Variants in TRPM8 observed in about 807,000 individuals in gnomAD.
The protein encoded by TRPM8 is transient receptor potential cation channel subfamily M member 8.
TRPM8 carries 110 observed loss-of-function variants against 133.7 expected under a neutral mutation model. The ratio of observed to expected loss-of-function variants is 0.82; its 90% confidence interval spans 0.70 to 0.96. The LOEUF (loss-of-function observed/expected upper bound fraction) is 0.96, where lower values mean the gene tolerates loss of function less well. Ranked by LOEUF, TRPM8 falls within the 40% of genes least tolerant of loss-of-function variation. The pLI, the probability that TRPM8 is intolerant of heterozygous loss-of-function variation, is 0.00. For missense variants in TRPM8, 1,291 were observed against 1,379.5 expected, an observed-to-expected ratio of 0.94 and a Z score of 1.02; for synonymous variants, 535 against 532.3, an observed-to-expected ratio of 1.01 and a Z score of -0.07.
intron 7 of TRPM8, among the ~76,000 whole-genome samples, chr2:233,946,576 C>G (rs1401329458): frequency 1.3e-5 from 2 of 152,188 alleles, no homozygotes; most frequent in East Asian, 3.9e-4. Flanking sequence ...TGAGATGTGT[C>G]CTGCTGTGGA....
At chr2:233,920,345 G>A (rs1691383912) in intron 1 of TRPM8, among the ~76,000 whole-genome samples, 1 of 152,010 alleles carries the variant, frequency 6.6e-6, no homozygotes, top group African/African-American at 2.4e-5. Flanking sequence ...AAATTCATCA[G>A]GCCCATTTGA....
At chr2:234,008,254 G>A in intron 24 of TRPM8, 151 bp downstream of exon 24, 1 of 747,294 alleles carries the variant, frequency 1.3e-6, no homozygotes, top group Non-Finnish European at 2.1e-6. Context: ...GAATGGTATT[G>A]CTTCTCATGC....
At chr2:233,975,848 C>T (rs1274388870) in intron 17 of TRPM8, among the ~76,000 whole-genome samples, 1 of 152,170 alleles carries the variant, frequency 6.6e-6, no homozygotes, top group African/African-American at 2.4e-5. Context: ...CACCACTGCA[C>T]TCCAGCCTGG....
rs974975568 is a variant in TRPM8 at position 233,993,073 on chromosome 2, G to C, written c.2940-3253G>C. Reference sequence around the variant, plus strand: ...CATTTTGGAAGCTGCTGCCATATGGGTCAGCTGTACCTCGGTGTATAAATA... The same window carrying C: ...CATTTTGGAAGCTGCTGCCATATGGCTCAGCTGTACCTCGGTGTATAAATA... On this transcript the variant is annotated intron_variant, in intron 21 of 25. Transcript: ENST00000324695. Among the ~76,000 whole-genome samples, 5 of 152,196 alleles carry C rather than the reference G, an allele frequency of 3.3e-5. No homozygotes were observed. In the East Asian group the frequency reaches 9.6e-4, roughly 29 times the overall value.
chr2:233,964,687 A>G lies in TRPM8; in HGVS notation c.1809A>G (p.Lys603=), dbSNP rs982267570. The G allele has an allele frequency of 6.8e-6, 11 of 1,613,078 alleles. No individual in the cohort carries two copies. Among genetic ancestry groups the G allele is most frequent in the Non-Finnish European group, 9.3e-6 (11 of 1,179,250 alleles). ...GCAAGCTTCTGAAGACTCTGGCCAA[A>G]GTGAAGAACGACATCAATGCTGCTG... ...GASKLLKTLA[K]VKNDINAAGE... The change falls in exon 14 of 26, where the codon AAA becomes AAG. Residue 603 remains lysine, a synonymous_variant. Coordinates refer to ENST00000324695, the MANE Select transcript of TRPM8 (RefSeq NM_024080.5).
chr2:233,980,101 G>A (rs1559539504), intron 17 of TRPM8, 87 bp from the exon 18 acceptor site: 1 of 913,694 alleles, frequency 1.1e-6, no homozygotes, highest in Non-Finnish European at 1.7e-6. Flanking sequence ...AAAGGACCTG[G>A]AAGAAAATGA....
At chr2:233,942,084 T>C (rs1171869829) in intron 5 of TRPM8, among the ~76,000 whole-genome samples, 2 of 142,246 alleles carry the variant, frequency 1.4e-5, no homozygotes, top group African/African-American at 5.8e-5. Context: ...TTTTTTTTTT[T>C]TTTTTTTCTT....
At chr2:233,971,487 T>C (rs951557677) in intron 17 of TRPM8, among the ~76,000 whole-genome samples, 4 of 152,166 alleles carry the variant, frequency 2.6e-5, no homozygotes, top group African/African-American at 9.7e-5. Context: ...TGTCTGACTT[T>C]CCTTGCCTAG....
At chr2:233,941,978 A>G (rs1690914631) in intron 5 of TRPM8, among the ~76,000 whole-genome samples, 2 of 151,614 alleles carry the variant, frequency 1.3e-5, no homozygotes, top group Non-Finnish European at 2.9e-5. Flanking sequence ...TGTCCATAAG[A>G]GTCCTCTAGA....
At chr2:233,949,898 G>A (rs202191110) in intron 8 of TRPM8, 51 bp from the exon 9 acceptor site, 382 of 1,579,206 alleles carry the variant, frequency 2.4e-4, no homozygotes, top group Non-Finnish European at 3.1e-4. Context: ...CCAGAGCTGG[G>A]TTCTGTGGAC....
Position 233,927,854 on chromosome 2 carries a change from TTCTTTC to T in TRPM8, c.117+1208_117+1213del, listed in dbSNP as rs1389221992. ...TTCCTTCCTTCCTTCCTTCCTTCCT[TTCTTTC>T]TCTTTCTTTCTTTCTTTCTTTCTTT... On this transcript the variant is annotated intron_variant, in intron 2 of 25. Transcript: ENST00000324695. Among the ~76,000 whole-genome samples, 8 of 55,992 alleles carry T rather than the reference TTCTTTC, an allele frequency of 1.4e-4. 1 individual carries two copies. Among genetic ancestry groups the T allele is most frequent in the East Asian group, 1.1e-3 (2 of 1,762 alleles). The allele number at this position is 55,992 out of a possible 152,430, so 36.7% of individuals were successfully genotyped here.
intron 1 of TRPM8, among the ~76,000 whole-genome samples, chr2:233,921,437 C>T (rs926321705): frequency 2.6e-5 from 4 of 152,008 alleles, no homozygotes; most frequent in Non-Finnish European, 5.9e-5. Flanking sequence ...TGACTATGTT[C>T]ATCCTGTCAA....
In TRPM8 at chr2:233,997,123, G is replaced by A. The variant is rs899105166; in HGVS notation, c.3130+607G>A. Among the ~76,000 whole-genome samples, 42 of 151,932 alleles carry A rather than the reference G, an allele frequency of 2.8e-4. 1 individual carries two copies. Among genetic ancestry groups the A allele is most frequent in the Non-Finnish European group, 2.9e-5 (2 of 67,988 alleles). Reference sequence around the variant, plus strand: ...CTACTAAAATACAAAAAAATTAGCCGGGTGTGGTGGTGTGTGCCTGTAGTC... The same window carrying A: ...CTACTAAAATACAAAAAAATTAGCCAGGTGTGGTGGTGTGTGCCTGTAGTC... On this transcript the variant is annotated intron_variant, in intron 22 of 25. Coordinates refer to ENST00000324695, the MANE Select transcript of TRPM8 (RefSeq NM_024080.5).
intron 17 of TRPM8, 112 bp from the exon 18 acceptor site, chr2:233,980,076 A>G: frequency 1.3e-6 from 1 of 750,932 alleles, no homozygotes; most frequent in South Asian, 1.7e-5. Context: ...ATAAACAAAC[A>G]CGTCATTGGC....
chr2:233,954,163 A>T (rs1691236228), intron 10 of TRPM8, 144 bp downstream of exon 10: 1 of 531,232 alleles, frequency 1.9e-6, no homozygotes, highest in Non-Finnish European at 3.3e-6. Context: ...AAGCTAGAAT[A>T]ACTACGCTTG....
At chr2:233,977,308 T>G (rs1025343606) in intron 17 of TRPM8, among the ~76,000 whole-genome samples, 1 of 152,180 alleles carries the variant, frequency 6.6e-6, no homozygotes, top group Non-Finnish European at 1.5e-5. Flanking sequence ...TATGATGAAA[T>G]AGTGTCCTGG....
intron 15 of TRPM8, among the ~76,000 whole-genome samples, chr2:233,968,954 A>G (rs561519480): frequency 1.3e-5 from 2 of 152,234 alleles, no homozygotes; most frequent in South Asian, 2.1e-4. Context: ...GTTTCCTGAC[A>G]AAAGCATCAC....
At chr2:233,918,528 C>T (rs889705916) in intron 1 of TRPM8, among the ~76,000 whole-genome samples, 1 of 152,126 alleles carries the variant, frequency 6.6e-6, no homozygotes, top group Non-Finnish European at 1.5e-5. Flanking sequence ...CATCTTGGAG[C>T]ATCACCTGCT....
In TRPM8 at chr2:233,985,761, G is replaced by A. The variant is rs779940608; in HGVS notation, c.2835G>A (p.Glu945=). 9.3e-6 allele frequency: 15 copies of A among 1,614,084 alleles called. No homozygotes were observed. Among genetic ancestry groups the A allele is most frequent in the African/African-American group, 4.0e-5 (3 of 74,922 alleles). ...ESKPLCVELD[E]HNLPRFPEWI... The stretch of plus-strand genomic sequence containing the variant: ...AGCCACTGTGTGTGGAGCTGGATGA[G>A]CACAACCTGCCCCGGTTCCCCGAGT... Residue 945 remains glutamate (E), a synonymous_variant, in exon 21 of 26, where the codon GAG becomes GAA. Coordinates refer to ENST00000324695, the MANE Select transcript of TRPM8 (RefSeq NM_024080.5).
Sources: gnomAD v4.1 joint callset for allele counts (sites outside exome capture counted in the v4.1 genomes callset) on GRCh38, gnomAD v4.1.1 for gene constraint, MANE v1.5 for transcripts, NCBI Gene and HGNC (gene_info 2026-07-23, HGNC 2026-07-21) for gene names.